The following CFAP221 variants were observed in gnomAD, a reference collection of about 807,000 sequenced individuals.
The protein encoded by CFAP221 is cilia- and flagella-associated protein 221.
Under a neutral mutation model 113.1 loss-of-function variants are expected in CFAP221, and 97 were observed. That is an observed-to-expected ratio of 0.86 (90% confidence interval 0.73 to 1.02). The LOEUF is 1.02. Ranked by LOEUF, CFAP221 falls within the 50% of genes least tolerant of loss-of-function variation. The pLI is 0.00. For synonymous variants in CFAP221, 331 were observed against 354.4 expected (o/e 0.93, Z 0.74); for missense variants, 1,025 against 1,013.4 (o/e 1.01, Z -0.16).
In CFAP221 at chr2:119,604,698, C is replaced by A. The variant is rs1191037587; in HGVS notation, c.818C>A (p.Thr273Asn). Residue 273 changes from threonine to asparagine, a missense_variant, in exon 9 of 24, where the codon ACC becomes AAC. Physicochemically the swap from Thr to Asn is moderately conservative, Grantham distance 65. Transcript: ENST00000413369. Reference protein sequence around the residue: ...LPLEEFERLNTLSKKVNVPPE... With the variant: ...LPLEEFERLNNLSKKVNVPPE... ...TTAGAAGAGTTTGAAAGGTTGAATACCCTTTCTAAGAAAGTAAACGTTCCT... is the reference window on the plus strand; with the variant it reads ...TTAGAAGAGTTTGAAAGGTTGAATAACCTTTCTAAGAAAGTAAACGTTCCT... The A allele has an allele frequency of 1.3e-6, 2 of 1,556,758 alleles. No individual in the cohort carries two copies. Among genetic ancestry groups the A allele is most frequent in the East Asian group, 4.5e-5 (2 of 44,280 alleles).
intron 22 of CFAP221, among the ~76,000 whole-genome samples, chr2:119,650,733 G>A (rs1688079437): frequency 6.6e-6 from 1 of 152,224 alleles, no homozygotes. Context: ...CTAATGGGAA[G>A]ATAATGTTTG....
At chr2:119,591,355 G>A (rs1683579276) in intron 7 of CFAP221, among the ~76,000 whole-genome samples, 1 of 152,060 alleles carries the variant, frequency 6.6e-6, no homozygotes, top group African/African-American at 2.4e-5. Flanking sequence ...AAGAAGTCAG[G>A]AAAAGCTGGA....
chr2:119,564,254 G>A (rs1681466418), intron 6 of CFAP221, among the ~76,000 whole-genome samples: 1 of 152,162 alleles, frequency 6.6e-6, no homozygotes, highest in African/African-American at 2.4e-5. Context: ...GAACTCCAAA[G>A]TTTAGATCTG....
intron 6 of CFAP221, among the ~76,000 whole-genome samples, chr2:119,571,424 G>A (rs916285363): frequency 6.6e-6 from 1 of 150,998 alleles, no homozygotes; most frequent in Admixed American, 6.6e-5. Context: ...ACAGGCATGA[G>A]CCACCACGCC....
chr2:119,576,880 C>T (rs1682486315), intron 6 of CFAP221, among the ~76,000 whole-genome samples: 1 of 152,180 alleles, frequency 6.6e-6, no homozygotes, highest in African/African-American at 2.4e-5. Flanking sequence ...TTATTTCCTT[C>T]TGTTTTTGTT....
intron 6 of CFAP221, among the ~76,000 whole-genome samples, chr2:119,567,266 T>TC (rs1681715976): frequency 6.6e-6 from 1 of 152,206 alleles, no homozygotes; most frequent in African/African-American, 2.4e-5. Context: ...ATCCCATGCT[T>TC]CTATTCATTC....
intron 11 of CFAP221, among the ~76,000 whole-genome samples, chr2:119,607,635 A>G (rs1684861907): frequency 6.6e-6 from 1 of 152,184 alleles, no homozygotes; most frequent in African/African-American, 2.4e-5. Flanking sequence ...CACTAGAAAA[A>G]GAAACCTCAT....
At chr2:119,554,141 A>C (rs1680617442) in intron 3 of CFAP221, among the ~76,000 whole-genome samples, 2 of 152,366 alleles carry the variant, frequency 1.3e-5, no homozygotes, top group South Asian at 4.1e-4. Context: ...TTGCCAAACA[A>C]GGTGGAAAAT....
At chr2:119,655,394 A>G (rs184678618) in intron 23 of CFAP221, among the ~76,000 whole-genome samples, 1 of 152,348 alleles carries the variant, frequency 6.6e-6, no homozygotes, top group Non-Finnish European at 1.5e-5. Context: ...ACATGATTCC[A>G]TAAAATGGTA....
intron 6 of CFAP221, among the ~76,000 whole-genome samples, chr2:119,579,299 AT>A (rs1322879645): frequency 6.6e-6 from 1 of 152,004 alleles, no homozygotes. Flanking sequence ...CACGAGATAT[AT>A]ATATATACAT....
At chr2:119,630,172 T>C (rs1486087665) in intron 17 of CFAP221, among the ~76,000 whole-genome samples, 1 of 152,228 alleles carries the variant, frequency 6.6e-6, no homozygotes, top group Admixed American at 6.5e-5. Flanking sequence ...GATATACCTA[T>C]ATCATGCATA....
At chr2:119,587,415 T>G (rs1683299739) in intron 7 of CFAP221, among the ~76,000 whole-genome samples, 193 bp downstream of exon 7, 1 of 152,210 alleles carries the variant, frequency 6.6e-6, no homozygotes, top group Admixed American at 6.5e-5. Context: ...TTCAGGTAAG[T>G]TTCTTCCATG....
intron 7 of CFAP221, 60 bp downstream of exon 7, chr2:119,587,282 A>G: frequency 8.2e-7 from 1 of 1,220,496 alleles, no homozygotes; most frequent in South Asian, 1.5e-5. Flanking sequence ...CAAACGTTAT[A>G]TTTTCAAACA....
rs1291075742 is a variant in CFAP221 at position 119,656,452 on chromosome 2, A to G, written c.2505A>G (p.Thr835=). The G allele has an allele frequency of 1.9e-6, 3 of 1,613,446 alleles. No individual in the cohort carries two copies. The highest frequency in any genetic ancestry group is 2.7e-5 in the African/African-American group (2 of 74,864). ...MRNLRGKALN[T]YLILE is the part of the protein sequence containing the mutation. ...ACCTGCGGGGCAAAGCACTCAACAC[A>G]TACCTGATTCTAGAATGAAAGTCAC... Residue 835 remains threonine (T), a synonymous_variant, in exon 24 of 24, where the codon ACA becomes ACG. Transcript: ENST00000413369.
At chr2:119,600,510 G>A (rs917862664) in intron 7 of CFAP221, among the ~76,000 whole-genome samples, 1 of 152,172 alleles carries the variant, frequency 6.6e-6, no homozygotes, top group Non-Finnish European at 1.5e-5. Flanking sequence ...TATATTTGTA[G>A]AAGTGACACA....
chr2:119,659,423 G>T (rs559833578), downstream of CFAP221, among the ~76,000 whole-genome samples: 3 of 63,202 alleles, frequency 4.7e-5, no homozygotes, highest in East Asian at 1.6e-3. Flanking sequence ...CACGCTAGTT[G>T]GGTTTAATTA....
At chr2:119,576,662 G>C (rs1682469201) in intron 6 of CFAP221, among the ~76,000 whole-genome samples, 1 of 152,030 alleles carries the variant, frequency 6.6e-6, no homozygotes, top group African/African-American at 2.4e-5. Flanking sequence ...CGTACTTCTG[G>C]TCTGAGGCTC....
intron 14 of CFAP221, 61 bp downstream of exon 14, chr2:119,615,770 G>A (rs979550085): frequency 3.0e-6 from 4 of 1,320,452 alleles, no homozygotes; most frequent in East Asian, 2.4e-5. Context: ...AGGAAATCAA[G>A]CAATGGTGGT....
chr2:119,625,550 A>C, intron 14 of CFAP221, 33 bp from the exon 15 acceptor site: 2 of 1,552,304 alleles, frequency 1.3e-6, no homozygotes, highest in South Asian at 2.2e-5. Flanking sequence ...GTGTTGATTA[A>C]TAATTTGAAA....
Sources: gnomAD v4.1 joint callset for allele counts (sites outside exome capture counted in the v4.1 genomes callset) on GRCh38, gnomAD v4.1.1 for gene constraint, MANE v1.5 for transcripts, NCBI Gene and HGNC (gene_info 2026-07-23, HGNC 2026-07-21) for gene names.